RAB3C: variants seen among roughly 807,000 people sequenced by gnomAD.
The protein encoded by RAB3C is RAB3C, member RAS oncogene family, also known as ras-related protein Rab-3C.
A neutral mutation model predicts 26.4 loss-of-function variants in RAB3C; 17 were observed. The ratio of observed to expected loss-of-function variants is 0.64; its 90% CI spans 0.44 to 0.97. The LOEUF is 0.97. RAB3C is among the 50% of genes least tolerant of loss of function. RAB3C has a pLI of 0.00. For synonymous variants in RAB3C, 91 were observed against 95.9 expected, an observed-to-expected ratio of 0.95 and a Z score of 0.30; for missense variants, 242 against 281.9, an observed-to-expected ratio of 0.86 and a Z score of 1.01.
In RAB3C at chr5:58,672,678, C is replaced by G. The variant is rs572086135; in HGVS notation, c.253-53324C>G. Among the ~76,000 whole-genome samples, 2 of 152,202 alleles carry G rather than the reference C, an allele frequency of 1.3e-5. 1 individual carries two copies. Among genetic ancestry groups the G allele is most frequent in the African/African-American group, 4.8e-5 (2 of 41,528 alleles). ...AAAAGTTGTATATATTCAAGGTATA[C>G]ATGATAATGTGATATACATAAGCCT... is the stretch of plus-strand genomic sequence containing the variant. On this transcript the variant is annotated intron_variant, in intron 2 of 4. Transcript: ENST00000282878.
At chr5:58,847,754 A>G (rs1278201689) in intron 4 of RAB3C, among the ~76,000 whole-genome samples, 1 of 152,188 alleles carries the variant, frequency 6.6e-6, no homozygotes, top group Non-Finnish European at 1.5e-5. Flanking sequence ...TAAAATACTA[A>G]TGATATTGAT....
At chr5:58,640,480 C>T (rs528866137) in intron 2 of RAB3C, among the ~76,000 whole-genome samples, 1 of 152,292 alleles carries the variant, frequency 6.6e-6, no homozygotes, top group East Asian at 1.9e-4. Context: ...AAACATTGAT[C>T]CCACAAATGC....
At chr5:58,807,965 C>T (rs942792933) in intron 3 of RAB3C, among the ~76,000 whole-genome samples, 1 of 152,158 alleles carries the variant, frequency 6.6e-6, no homozygotes, top group Non-Finnish European at 1.5e-5. Flanking sequence ...GTGGCTCACA[C>T]CTGTAATCCC....
chr5:58,589,776 C>T (rs567307818), intron 1 of RAB3C, among the ~76,000 whole-genome samples: 1 of 152,170 alleles, frequency 6.6e-6, no homozygotes, highest in African/African-American at 2.4e-5. Context: ...GGAGATTAAC[C>T]TGCATTATCA....
At chr5:58,804,511 T>C (rs1366541623) in intron 3 of RAB3C, among the ~76,000 whole-genome samples, 1 of 152,226 alleles carries the variant, frequency 6.6e-6, no homozygotes, top group Non-Finnish European at 1.5e-5. Flanking sequence ...GTTGCTTTCT[T>C]ACACCCAGAG....
chr5:58,634,596 A>G (rs1172522977), intron 2 of RAB3C, among the ~76,000 whole-genome samples: 5 of 152,200 alleles, frequency 3.3e-5, no homozygotes, highest in Admixed American at 1.3e-4. Flanking sequence ...TGTGGCTTAG[A>G]CCAAGAAAAA....
rs748389130 is a variant in RAB3C at position 58,825,052 on chromosome 5, A to T, written c.386A>T (p.Lys129Ile). 1 of 1,609,338 alleles carries T rather than the reference A, an allele frequency of 6.2e-7. No individual in the cohort carries two copies. Among genetic ancestry groups the T allele is most frequent in the Non-Finnish European group, 8.5e-7 (1 of 1,177,416 alleles). Residue 129 changes from lysine (K) to isoleucine (I), a missense_variant, in exon 4 of 5, where the codon AAA becomes ATA. Transcript: ENST00000282878. Reference sequence around the variant, plus strand: ...TTTTCTTTTAGGTCAACTCAAATCAAAACATACTCTTGGGACAATGCCCAA... The same window carrying T: ...TTTTCTTTTAGGTCAACTCAAATCATAACATACTCTTGGGACAATGCCCAA... ...NAVQDWSTQI[K>I]TYSWDNAQVI...
In RAB3C at chr5:58,615,993, C is replaced by CACACACACACACACACACACACCCCT. The variant is rs1444818998; in HGVS notation, c.25-1632_25-1631insACACCCCTACACACACACACACACAC. On this transcript the variant is annotated intron_variant, in intron 1 of 4. Coordinates refer to ENST00000282878, the MANE Select transcript of RAB3C (RefSeq NM_138453.4). The stretch of plus-strand genomic sequence containing the variant: ...ACGTGTACACACACACAGACACACA[C>CACACACACACACACACACACACCCCT]ACACACACACACACACACCCCTGAC... 5.1e-4 allele frequency among the ~76,000 whole-genome samples: 78 copies of CACACACACACACACACACACACCCCT among 151,660 alleles called. 1 individual carries two copies. The highest frequency in any genetic ancestry group is 1.8e-3 in the African/African-American group (73 of 41,394).
rs75185163 is a variant in RAB3C, at chr5:58,711,629, C to T, written c.253-14373C>T. Reference sequence around the variant, plus strand: ...TAGTATGCACAAGAAGCATTACATACGTTAATTCTCACAGTAATCTTGAGA... The same window carrying T: ...TAGTATGCACAAGAAGCATTACATATGTTAATTCTCACAGTAATCTTGAGA... On this transcript the variant is annotated intron_variant, in intron 2 of 4. Transcript: ENST00000282878. Among the ~76,000 whole-genome samples, 660 of 152,172 alleles carry T rather than the reference C, an allele frequency of 4.3e-3. 31 individuals carry two copies. The East Asian group carries it at 0.1, about 24-fold the overall frequency.
chr5:58,744,908 A>T (rs1013771956), intron 3 of RAB3C, among the ~76,000 whole-genome samples: 3 of 152,102 alleles, frequency 2.0e-5, no homozygotes, highest in African/African-American at 7.2e-5. Flanking sequence ...CTCCGATTTC[A>T]GTTTTTTTCA....
intron 4 of RAB3C, among the ~76,000 whole-genome samples, chr5:58,827,476 T>C (rs1275837435): frequency 2.0e-5 from 3 of 152,216 alleles, no homozygotes; most frequent in African/African-American, 7.2e-5. Flanking sequence ...AATAAATTAC[T>C]TGGATATTGA....
At chr5:58,833,941 G>T (rs1407181114) in intron 4 of RAB3C, among the ~76,000 whole-genome samples, 1 of 152,258 alleles carries the variant, frequency 6.6e-6, no homozygotes, top group East Asian at 1.9e-4. Flanking sequence ...GCATAGAGAG[G>T]TGACCACCCC....
rs114650057 is a variant in RAB3C, at chr5:58,700,895, T to C, written c.253-25107T>C. ...AAAAAATGCTATGGTAACATTGTCA[T>C]TAATTCCTCCTTTATGGATAGACCT... On this transcript the variant is annotated intron_variant, in intron 2 of 4. Transcript: ENST00000282878. Among the ~76,000 whole-genome samples the C allele has an allele frequency of 2.6e-3, 398 of 152,292 alleles. 1 individual carries two copies. Among genetic ancestry groups the C allele is most frequent in the African/African-American group, 8.8e-3 (366 of 41,558 alleles).
intron 2 of RAB3C, among the ~76,000 whole-genome samples, chr5:58,630,327 A>G (rs1003382559): frequency 2.6e-5 from 4 of 152,192 alleles, no homozygotes; most frequent in African/African-American, 9.7e-5. Flanking sequence ...TTCACCCTTA[A>G]AAACTATTGA....
intron 3 of RAB3C, among the ~76,000 whole-genome samples, chr5:58,737,725 A>C (rs73102385): frequency 0.019 from 2,907 of 152,024 alleles, 102 homozygotes; most frequent in African/African-American, 0.065. Context: ...ACAACAACAA[A>C]AAAATGATGA....
rs1481059163 is a variant in RAB3C at position 58,700,795 on chromosome 5, G to A, written c.253-25207G>A. Among the ~76,000 whole-genome samples, 7 of 152,048 alleles carry A rather than the reference G, an allele frequency of 4.6e-5. No individual in the cohort carries two copies. In the South Asian group the frequency reaches 1.2e-3, roughly 27 times the overall value. On this transcript the variant is annotated intron_variant, in intron 2 of 4. Transcript: ENST00000282878. ...TTCCAGTTGGCTAGGAAATCGACTC[G>A]AGGTCTTGAACCATTTCACAATCAT...
intron 1 of RAB3C, among the ~76,000 whole-genome samples, chr5:58,592,806 A>AT (rs1397449068): frequency 6.6e-6 from 1 of 151,538 alleles, no homozygotes; most frequent in Non-Finnish European, 1.5e-5. Context: ...ATGTAATGTC[A>AT]TTTTTTTCAT....
chr5:58,618,980 G>C (rs1405226079), intron 2 of RAB3C, among the ~76,000 whole-genome samples: 1 of 152,112 alleles, frequency 6.6e-6, no homozygotes, highest in Non-Finnish European at 1.5e-5. Context: ...TCGCAGAGTA[G>C]AGGATTTTAA....
At chr5:58,823,971 C>T (rs962717278) in intron 3 of RAB3C, among the ~76,000 whole-genome samples, 7 of 148,388 alleles carry the variant, frequency 4.7e-5, no homozygotes, top group African/African-American at 1.2e-4. Context: ...TGAGAACATG[C>T]GGTGTTTGGT....
Sources: gnomAD v4.1 joint callset for allele counts (sites outside exome capture counted in the v4.1 genomes callset) on GRCh38, gnomAD v4.1.1 for gene constraint, MANE v1.5 for transcripts, NCBI Gene and HGNC (gene_info 2026-07-23, HGNC 2026-07-21) for gene names.